ZNF804B: variants seen among roughly 807,000 people sequenced by gnomAD.
The protein encoded by ZNF804B is zinc finger 804B.
A neutral mutation model predicts 101.4 loss-of-function variants in ZNF804B; 80 were observed. The observed-to-expected ratio is 0.79, with a 90% CI of 0.66 to 0.95. The LOEUF is 0.95. Among genes scored for constraint, ZNF804B ranks in the 40% least tolerant of loss-of-function variants. ZNF804B has a pLI of 0.00. For synonymous variants in ZNF804B, 622 were observed against 558.8 expected, an observed-to-expected ratio of 1.11 and a Z score of -1.59; for missense variants, 1,673 against 1,561.9, an observed-to-expected ratio of 1.07 and a Z score of -1.20.
At chr7:89,080,525 C>T (rs1789681477) in intron 1 of ZNF804B, among the ~76,000 whole-genome samples, 1 of 151,836 alleles carries the variant, frequency 6.6e-6, no homozygotes, top group Admixed American at 6.6e-5. Context: ...AACATTTCTT[C>T]TTCTATATTT....
Position 89,250,485 on chromosome 7 carries a change from G to A in ZNF804B, c.249+32190G>A, listed in dbSNP as rs190099385. Among the ~76,000 whole-genome samples, 838 of 152,222 alleles carry A rather than the reference G, an allele frequency of 5.5e-3. 2 individuals carry two copies. Among genetic ancestry groups the A allele is most frequent in the Non-Finnish European group, 9.7e-3 (661 of 68,006 alleles). On this transcript the variant is annotated intron_variant, in intron 2 of 3. Transcript: ENST00000333190. ...ACTAAAAAAAGCCCTGGATCAGATG[G>A]ATTCACAGCAGAATTCTACCAGACA...
At chr7:89,177,564 G>A (rs550091412) in intron 1 of ZNF804B, among the ~76,000 whole-genome samples, 74 of 152,152 alleles carry the variant, frequency 4.9e-4, no homozygotes, top group Non-Finnish European at 8.2e-4. Context: ...ATGTGCTGAG[G>A]ACAATGTGTA....
At chr7:88,993,923 TATA>T (rs756028830) in intron 1 of ZNF804B, among the ~76,000 whole-genome samples, 1 of 152,008 alleles carries the variant, frequency 6.6e-6, no homozygotes, top group South Asian at 2.1e-4. Flanking sequence ...TTACTGTGAC[TATA>T]ATATTAGATG....
chr7:89,327,318 C>A (rs1562946589), intron 2 of ZNF804B, 26 bp from the exon 3 acceptor site: 1 of 1,568,424 alleles, frequency 6.4e-7, no homozygotes, highest in Non-Finnish European at 8.6e-7. Context: ...TTTATAGTAC[C>A]TTTTTGGTTT....
chr7:88,910,792 T>G (rs1792538124), intron 1 of ZNF804B, among the ~76,000 whole-genome samples: 1 of 151,920 alleles, frequency 6.6e-6, no homozygotes, highest in African/African-American at 2.4e-5. Flanking sequence ...TAAGGGAAGA[T>G]GTTCTGCAAA....
intron 1 of ZNF804B, among the ~76,000 whole-genome samples, chr7:88,874,403 A>G (rs1791890148): frequency 6.6e-6 from 1 of 151,664 alleles, no homozygotes; most frequent in African/African-American, 2.4e-5. Context: ...ATATACAATC[A>G]TGTCGTCTGC....
chr7:88,952,479 A>AT, intron 1 of ZNF804B, among the ~76,000 whole-genome samples: 1 of 151,768 alleles, frequency 6.6e-6, no homozygotes, highest in Non-Finnish European at 1.5e-5. Context: ...GATTTGTGTT[A>AT]TTTTTTGTCT....
chr7:89,110,303 G>A (rs1790198471), intron 1 of ZNF804B, among the ~76,000 whole-genome samples: 1 of 152,190 alleles, frequency 6.6e-6, no homozygotes, highest in Non-Finnish European at 1.5e-5. Flanking sequence ...GTGAGCTGAT[G>A]AGAGGTCCTC....
chr7:89,209,695 G>C lies in ZNF804B; in HGVS notation c.109-8460G>C, dbSNP rs553151897. On this transcript the variant is annotated intron_variant, in intron 1 of 3. Transcript: ENST00000333190. The stretch of plus-strand genomic sequence containing the variant: ...AATTCTCCGTGATATGAATTGTGTT[G>C]CCAGGGTAGGCCATACTGTCTATGT... Among the ~76,000 whole-genome samples the C allele has an allele frequency of 2.0e-5, 3 of 152,258 alleles. No individual in the cohort carries two copies. In the East Asian group the frequency reaches 5.8e-4, roughly 29 times the overall value.
At chr7:88,835,198 A>G (rs1791194201) in intron 1 of ZNF804B, among the ~76,000 whole-genome samples, 1 of 151,888 alleles carries the variant, frequency 6.6e-6, no homozygotes. Context: ...TTTAATTTTT[A>G]GAAGTTAGTG....
At chr7:88,879,409 T>G (rs946597268) in intron 1 of ZNF804B, among the ~76,000 whole-genome samples, 13 of 152,194 alleles carry the variant, frequency 8.5e-5, no homozygotes, top group African/African-American at 3.1e-4. Context: ...TATCAAAATT[T>G]CATGGAGGGC....
intron 1 of ZNF804B, among the ~76,000 whole-genome samples, chr7:88,964,894 G>C (rs753059471): frequency 4.0e-5 from 6 of 151,198 alleles, no homozygotes; most frequent in Non-Finnish European, 7.4e-5. Context: ...ATTATATAAA[G>C]CTTCTTAAAG....
chr7:88,978,151 A>G (rs1793642273), intron 1 of ZNF804B, among the ~76,000 whole-genome samples: 1 of 151,942 alleles, frequency 6.6e-6, no homozygotes, highest in African/African-American at 2.4e-5. Flanking sequence ...TGCTTAAAGT[A>G]TGGCATATCT....
intron 1 of ZNF804B, among the ~76,000 whole-genome samples, chr7:88,872,038 A>G (rs977993770): frequency 1.3e-5 from 2 of 152,182 alleles, no homozygotes; most frequent in African/African-American, 4.8e-5. Context: ...AAATGTGTAT[A>G]ATGGATTTTC....
intron 1 of ZNF804B, among the ~76,000 whole-genome samples, chr7:88,863,357 C>G (rs1264576325): frequency 1.3e-5 from 2 of 152,180 alleles, no homozygotes; most frequent in Non-Finnish European, 2.9e-5. Context: ...CATGCCCATT[C>G]ATAGCTTGAA....
chr7:89,140,502 T>C (rs770299820), intron 1 of ZNF804B, among the ~76,000 whole-genome samples: 1 of 152,092 alleles, frequency 6.6e-6, no homozygotes, highest in African/African-American at 2.4e-5. Context: ...TTTAATGTAG[T>C]CTATCAATGA....
At chr7:89,201,616 C>G (rs1327752102) in intron 1 of ZNF804B, among the ~76,000 whole-genome samples, 1 of 152,024 alleles carries the variant, frequency 6.6e-6, no homozygotes, top group Non-Finnish European at 1.5e-5. Flanking sequence ...ACCTAAGCTA[C>G]TGGTCAGAAA....
intron 1 of ZNF804B, among the ~76,000 whole-genome samples, chr7:89,005,866 C>T (rs1788363468): frequency 6.6e-6 from 1 of 151,982 alleles, no homozygotes; most frequent in Non-Finnish European, 1.5e-5. Context: ...TTTTCTACAC[C>T]AGATTCTTTA....
At chr7:88,797,545 G>A (rs774395229) in intron 1 of ZNF804B, among the ~76,000 whole-genome samples, 1 of 152,116 alleles carries the variant, frequency 6.6e-6, no homozygotes, top group South Asian at 2.1e-4. Flanking sequence ...AAACCAGAGA[G>A]AACATGGGGA....
Sources: allele counts gnomAD v4.1 joint callset (sites outside exome capture counted in the v4.1 genomes callset), GRCh38; gene constraint gnomAD v4.1.1; transcripts MANE v1.5; gene names NCBI Gene and HGNC (gene_info 2026-07-23, HGNC 2026-07-21).